TXK: variants seen among roughly 807,000 people sequenced by gnomAD.
TXK encodes the protein TXK tyrosine kinase.
A neutral mutation model predicts 81.0 loss-of-function variants in TXK; 60 were observed. The ratio of observed to expected loss-of-function variants is 0.74; its 90% CI spans 0.60 to 0.92. TXK has a LOEUF of 0.92. TXK is among the 40% of genes least tolerant of loss of function. The pLI, the probability that TXK is intolerant of heterozygous loss-of-function variation, is 0.00. For missense variants in TXK, 581 were observed against 638.3 expected, an observed-to-expected ratio of 0.91 and a Z score of 0.97; for synonymous variants, 203 against 210.7, an observed-to-expected ratio of 0.96 and a Z score of 0.32.
At chr4:48,088,454 T>C (rs896893605) in intron 9 of TXK, among the ~76,000 whole-genome samples, 2 of 152,228 alleles carry the variant, frequency 1.3e-5, no homozygotes, top group Admixed American at 6.5e-5. Context: ...GCTAAATCAG[T>C]TGTGGTATGT....
chr4:48,113,050 T>C (rs1164924761), intron 3 of TXK, among the ~76,000 whole-genome samples, 157 bp downstream of exon 3: 1 of 151,948 alleles, frequency 6.6e-6, no homozygotes, highest in Non-Finnish European at 1.5e-5. Context: ...TCTTTTTCCT[T>C]TTACTTTCTT....
chr4:48,112,189 G>C, intron 4 of TXK, 118 bp downstream of exon 4: 1 of 937,762 alleles, frequency 1.1e-6, no homozygotes, highest in Non-Finnish European at 1.7e-6. Context: ...CACACATCCT[G>C]GGGGAGAGGG....
chr4:48,114,480 G>T, intron 1 of TXK, 78 bp from the exon 2 acceptor site: 2 of 1,410,626 alleles, frequency 1.4e-6, no homozygotes, highest in Non-Finnish European at 2.0e-6. Flanking sequence ...GGAAGGGTGA[G>T]ACGAATTATT....
rs776884041 is a variant in TXK at position 48,110,583 on chromosome 4, C to T, written c.401G>A (p.Ser134Asn). 2 of 1,612,160 alleles carry T rather than the reference C, an allele frequency of 1.2e-6. No homozygotes were observed. The highest frequency in any genetic ancestry group is 8.5e-7 in the Non-Finnish European group (1 of 1,178,772). ...DRLGNEGLIPSNYVTENKITN... is the reference protein window; with the variant it reads ...DRLGNEGLIPNNYVTENKITN... ...TATTTTGTTTTCAGTCACATAGTTG[C>T]TTGGGATTAAGCCTTCATTCCTACA... The change falls in exon 5 of 15, where the codon AGC (serine) becomes AAC (asparagine). Residue 134 changes from serine (S) to asparagine (N), a missense_variant. Transcript: ENST00000264316.
intron 6 of TXK, among the ~76,000 whole-genome samples, chr4:48,099,252 C>G (rs1718095535): frequency 6.6e-6 from 1 of 152,032 alleles, no homozygotes; most frequent in Non-Finnish European, 1.5e-5. Flanking sequence ...ATTTATGACA[C>G]CAACACAAAA....
chr4:48,092,294 T>C (rs745491749), intron 8 of TXK, among the ~76,000 whole-genome samples: 18 of 151,912 alleles, frequency 1.2e-4, no homozygotes, highest in Non-Finnish European at 2.1e-4. Flanking sequence ...AAGGGAAGAA[T>C]AGAAGTAGGG....
Position 48,076,477 on chromosome 4 carries a change from A to C in TXK, c.1174-11T>G, listed in dbSNP as rs1319790457. The C allele has an allele frequency of 6.2e-7, 1 of 1,605,422 alleles. No homozygotes were observed. Reference sequence around the variant, plus strand: ...ACAATTCCTTGCCGCCTATGGAAAGAAGAAAAGAATCCAAGTTTGAATACA... The same window carrying C: ...ACAATTCCTTGCCGCCTATGGAAAGCAGAAAAGAATCCAAGTTTGAATACA... On this transcript the variant is annotated splice_polypyrimidine_tract_variant and intron_variant, in intron 11 of 14. Coordinates refer to ENST00000264316, the MANE Select transcript of TXK (RefSeq NM_003328.3).
chr4:48,086,987 T>TA (rs2109420920), intron 9 of TXK, among the ~76,000 whole-genome samples: 1 of 151,798 alleles, frequency 6.6e-6, no homozygotes, highest in East Asian at 1.9e-4. Flanking sequence ...CCAGTCTGGT[T>TA]TTTTTTTCCT....
chr4:48,110,519 T>C lies in TXK; in HGVS notation c.446+19A>G, dbSNP rs1577675528. On this transcript the variant is annotated intron_variant, in intron 5 of 14. Coordinates refer to ENST00000264316, the MANE Select transcript of TXK (RefSeq NM_003328.3). ...AAATGTCCCTGATTTTCATAGGTTA[T>C]ATTTTGGAGAAGACTTACTCATATA... 2 of 1,569,934 alleles carry C rather than the reference T, an allele frequency of 1.3e-6. No homozygotes were observed. The highest frequency in any genetic ancestry group is 1.8e-6 in the Non-Finnish European group (2 of 1,140,948).
chr4:48,114,713 C>T (rs1718746236), intron 1 of TXK, among the ~76,000 whole-genome samples: 1 of 152,152 alleles, frequency 6.6e-6, no homozygotes, highest in Admixed American at 6.5e-5. Flanking sequence ...AACAAATATA[C>T]AAGAGAATAG....
intron 14 of TXK, among the ~76,000 whole-genome samples, chr4:48,069,436 CT>C: frequency 6.6e-6 from 1 of 151,598 alleles, no homozygotes; most frequent in Middle Eastern, 3.4e-3. Context: ...AACAATTCTC[CT>C]GCCTCAGCCT....
intron 4 of TXK, among the ~76,000 whole-genome samples, chr4:48,110,962 C>G (rs1301476393): frequency 6.6e-6 from 1 of 152,194 alleles, no homozygotes. Flanking sequence ...GAGGAGTATT[C>G]CATAGCATAG....
chr4:48,120,207 GTA>G (rs1718917589), intron 1 of TXK, among the ~76,000 whole-genome samples: 2 of 91,688 alleles, frequency 2.2e-5, no homozygotes, highest in Non-Finnish European at 6.1e-5. Flanking sequence ...ACATATATAC[GTA>G]TATATGTACA....
intron 1 of TXK, among the ~76,000 whole-genome samples, chr4:48,125,505 G>A (rs1356238662): frequency 6.6e-6 from 1 of 152,184 alleles, no homozygotes; most frequent in Non-Finnish European, 1.5e-5. Flanking sequence ...CTGACTCAAA[G>A]GCAGATGTTT....
At chr4:48,134,103 A>G in intron 1 of TXK, 52 bp downstream of exon 1, 3 of 1,606,804 alleles carry the variant, frequency 1.9e-6, no homozygotes, top group Non-Finnish European at 2.5e-6. Flanking sequence ...TTCAAGAATA[A>G]CAGGCCCCAG....
intron 3 of TXK, among the ~76,000 whole-genome samples, chr4:48,112,828 T>C (rs1348847937): frequency 6.6e-6 from 1 of 152,148 alleles, no homozygotes; most frequent in Non-Finnish European, 1.5e-5. Context: ...AGGATTTTTT[T>C]TCTCCTTAAA....
chr4:48,117,309 T>A (rs1214538863), intron 1 of TXK, among the ~76,000 whole-genome samples: 4 of 152,242 alleles, frequency 2.6e-5, no homozygotes, highest in Non-Finnish European at 4.4e-5. Flanking sequence ...TTTGGGTTTT[T>A]GTTTAGTCTT....
chr4:48,101,337 C>T (rs1042795444), intron 6 of TXK, among the ~76,000 whole-genome samples: 1 of 152,208 alleles, frequency 6.6e-6, no homozygotes, highest in Admixed American at 6.5e-5. Context: ...TGTTACAAGA[C>T]AGTTATAGTA....
At chr4:48,097,982 T>G (rs1041876495) in intron 6 of TXK, among the ~76,000 whole-genome samples, 7 of 151,822 alleles carry the variant, frequency 4.6e-5, no homozygotes, top group Middle Eastern at 3.4e-3. Context: ...CTCCTCACCT[T>G]GCGATCCGCC....
Sources: gnomAD v4.1 joint callset for allele counts (sites outside exome capture counted in the v4.1 genomes callset) on GRCh38, gnomAD v4.1.1 for gene constraint, MANE v1.5 for transcripts, NCBI Gene and HGNC (gene_info 2026-07-23, HGNC 2026-07-21) for gene names.